Variants in HAPLN2 observed in about 807,000 individuals in gnomAD.
HAPLN2 encodes the protein hyaluronan and proteoglycan link protein 2.
In HAPLN2, 27 loss-of-function variants were observed where a neutral mutation model predicts 29.3. That is an observed-to-expected ratio of 0.92 (90% CI 0.68 to 1.27). The LOEUF (loss-of-function observed/expected upper bound fraction) is 1.27. Ranked by LOEUF, HAPLN2 falls within the 50% of genes most tolerant of loss-of-function variation. HAPLN2 has a pLI of 0.00. For synonymous variants in HAPLN2, 208 were observed against 211.7 expected, an observed-to-expected ratio of 0.98 and a Z score of 0.15; for missense variants, 454 against 484.3, an observed-to-expected ratio of 0.94 and a Z score of 0.59.
chr1:156,625,200 C>A lies in HAPLN2; in HGVS notation c.839C>A (p.Ala280Asp). ...AVVAKVGHLYAAWKFSGLDQC... is the reference protein window; with the variant it reads ...AVVAKVGHLYDAWKFSGLDQC... Reference sequence around the variant, plus strand: ...GTGGCCAAGGTTGGGCACCTCTACGCCGCCTGGAAGTTTTCGGGGCTAGAC... The same window carrying A: ...GTGGCCAAGGTTGGGCACCTCTACGACGCCTGGAAGTTTTCGGGGCTAGAC... Residue 280 changes from alanine (A) to aspartate (D), a missense_variant, in exon 7 of 7, where the codon GCC becomes GAC. By Grantham distance (126) the Ala-to-Asp change is moderately radical. Coordinates refer to ENST00000255039, the MANE Select transcript of HAPLN2 (RefSeq NM_021817.3). The surrounding 1 kb of genome is among the most constrained non-coding windows in gnomAD (Gnocchi z 5.7). 6.4e-7 allele frequency: 1 copy of A among 1,555,510 alleles called. No individual in the cohort carries two copies. Among genetic ancestry groups the A allele is most frequent in the South Asian group, 1.2e-5 (1 of 84,512 alleles).
chr1:156,606,349 G>A, the HAPLN2 span, among the ~76,000 whole-genome samples: 1 of 151,338 alleles, frequency 6.6e-6, no homozygotes, highest in African/African-American at 2.4e-5. Flanking sequence ...AGGCTGAGGT[G>A]GGAGAATTGC....
At chr1:156,603,722 G>A in the HAPLN2 span, among the ~76,000 whole-genome samples, 16 of 152,192 alleles carry the variant, frequency 1.1e-4, no homozygotes, top group South Asian at 3.1e-3. Context: ...TCACTGTTGT[G>A]CCTGATTCAC....
chr1:156,613,668 C>G, the HAPLN2 span, among the ~76,000 whole-genome samples: 1 of 151,968 alleles, frequency 6.6e-6, no homozygotes, highest in Non-Finnish European at 1.5e-5. Context: ...GTAATCCCAA[C>G]AATTTGGGAG....
chr1:156,603,414 A>G, the HAPLN2 span, among the ~76,000 whole-genome samples: 1 of 148,712 alleles, frequency 6.7e-6, no homozygotes, highest in Non-Finnish European at 1.5e-5. Flanking sequence ...TTCAATTTCC[A>G]CCCACCCCCA....
At chr1:156,621,529 G>A (rs114703290) in intron 2 of HAPLN2, among the ~76,000 whole-genome samples, 2,184 of 151,834 alleles carry the variant, frequency 0.014, 52 homozygotes, top group African/African-American at 0.051. Flanking sequence ...GAGGTCCGGA[G>A]TTCTCAAGAC....
rs1025795702 is a variant in HAPLN2 at position 156,623,432 on chromosome 1, A to C, written c.-24-35A>C. 7.0e-6 allele frequency: 11 copies of C among 1,576,024 alleles called. No homozygotes were observed. The African/African-American group carries it at 1.1e-4, about 15-fold the overall frequency. ...CTGCTCTTCCCCACCCTTTTGCCCCAGTCCTAAGAACTGCCCACTCTTTGT... is the reference window on the plus strand; with the variant it reads ...CTGCTCTTCCCCACCCTTTTGCCCCCGTCCTAAGAACTGCCCACTCTTTGT... On this transcript the variant is annotated intron_variant, in intron 2 of 6. Coordinates refer to ENST00000255039, the MANE Select transcript of HAPLN2 (RefSeq NM_021817.3).
chr1:156,621,476 T>C (rs1678221501), intron 2 of HAPLN2, among the ~76,000 whole-genome samples: 2 of 151,886 alleles, frequency 1.3e-5, no homozygotes, highest in Admixed American at 1.3e-4. Flanking sequence ...GGCTCACACC[T>C]GTAATCTCAG....
chr1:156,609,391 A>C, the HAPLN2 span, among the ~76,000 whole-genome samples: 1 of 152,214 alleles, frequency 6.6e-6, no homozygotes, highest in Non-Finnish European at 1.5e-5. Flanking sequence ...AAAAGATTAA[A>C]AGTCATTTTC....
chr1:156,615,511 A>G (rs1678034001), upstream of HAPLN2, among the ~76,000 whole-genome samples: 1 of 151,544 alleles, frequency 6.6e-6, no homozygotes, highest in Non-Finnish European at 1.5e-5. Context: ...AGCAATGATC[A>G]CACCACTGTA....
intron 3 of HAPLN2, 37 bp from the exon 4 acceptor site, chr1:156,623,770 A>T: frequency 6.8e-7 from 1 of 1,472,472 alleles, no homozygotes; most frequent in Non-Finnish European, 9.0e-7. Context: ...GGCAGTGAGG[A>T]TTGGGGGTTC....
chr1:156,618,305 C>CAAAA (rs57219264), upstream of HAPLN2, among the ~76,000 whole-genome samples: 7 of 103,212 alleles, frequency 6.8e-5, no homozygotes, highest in African/African-American at 2.9e-4. Flanking sequence ...GACTCTGTCT[C>CAAAA]AAAAAAAAAA....
At chr1:156,618,311 A>AC (rs1678111783), upstream of HAPLN2, among the ~76,000 whole-genome samples, 1 of 85,250 alleles carries the variant, frequency 1.2e-5, no homozygotes, top group South Asian at 8.2e-4. Flanking sequence ...GTCTCAAAAA[A>AC]AAAAAAAAAA....
Position 156,623,552 on chromosome 1 carries a change from T to C in HAPLN2, c.62T>C (p.Phe21Ser). The change falls in exon 3 of 7, where the codon TTC becomes TCC. Residue 21 changes from phenylalanine (F) to serine (S), a missense_variant. By Grantham distance (155) the Phe-to-Ser change is radical (BLOSUM62 -2). This residue lies in a region of HAPLN2 where 204 missense variants were observed against 209.2 expected (regional missense o/e 0.98). Coordinates refer to ENST00000255039, the MANE Select transcript of HAPLN2 (RefSeq NM_021817.3). The stretch of plus-strand genomic sequence containing the variant: ...TTCCTTCTTTGGGCCTTCACCATCT[T>C]CCACAAAGCCCAAGGAGACCCAGGT... Reference protein sequence around the residue: ...CRFLLWAFTIFHKAQGDPASH... With the variant: ...CRFLLWAFTISHKAQGDPASH... 2 of 1,614,064 alleles carry C rather than the reference T, an allele frequency of 1.2e-6. No individual in the cohort carries two copies. Among genetic ancestry groups the C allele is most frequent in the African/African-American group, 2.7e-5 (2 of 75,002 alleles).
At chr1:156,602,549 C>CAAAAAAAAAA in the HAPLN2 span, among the ~76,000 whole-genome samples, 2 of 43,752 alleles carry the variant, frequency 4.6e-5, no homozygotes, top group African/African-American at 7.2e-5. Flanking sequence ...CTAAAAATAC[C>CAAAAAAAAAA]AAAAAAAAAA....
the HAPLN2 span, chr1:156,601,637 C>CTGT: frequency 1.6e-6 from 1 of 623,430 alleles, no homozygotes; most frequent in Non-Finnish European, 2.8e-6. Flanking sequence ...GGTTCCGAGG[C>CTGT]TGTTCCACTT....
rs1678409573 is a variant in HAPLN2, at chr1:156,625,239, G to T, written c.878G>T (p.Gly293Val). ...KFSGLDQCDG[G>V]WLADGSVRFP... is the part of the protein sequence containing the mutation. ...TCGGGGCTAGACCAGTGCGACGGCG[G>T]CTGGCTGGCTGACGGCAGTGTGCGC... The change falls in exon 7 of 7, where the codon GGC becomes GTC. Residue 293 changes from glycine to valine, a missense_variant. By Grantham distance (109) the Gly-to-Val change is moderately radical (BLOSUM62 -3). Coordinates refer to ENST00000255039, the MANE Select transcript of HAPLN2 (RefSeq NM_021817.3). The surrounding 1 kb of genome is among the most constrained non-coding windows in gnomAD (Gnocchi z 5.7). 7.6e-6 allele frequency: 12 copies of T among 1,572,290 alleles called. No individual in the cohort carries two copies. Among genetic ancestry groups the T allele is most frequent in the Non-Finnish European group, 1.0e-5 (12 of 1,159,982 alleles).
chr1:156,624,264 C>T, intron 4 of HAPLN2, 87 bp from the exon 5 acceptor site: 1 of 1,504,788 alleles, frequency 6.6e-7, no homozygotes, highest in Non-Finnish European at 9.0e-7. Context: ...CCCTGGGGAC[C>T]CCAGCTCCCT....
chr1:156,621,639 G>A (rs749246666), intron 2 of HAPLN2, among the ~76,000 whole-genome samples: 2 of 151,142 alleles, frequency 1.3e-5, no homozygotes, highest in Non-Finnish European at 2.9e-5. Context: ...CAGGAGAATC[G>A]CTTGAACCCG....
the HAPLN2 span, among the ~76,000 whole-genome samples, chr1:156,608,972 C>T: frequency 1.3e-5 from 2 of 152,166 alleles, no homozygotes; most frequent in East Asian, 3.8e-4. Context: ...ACACCAACAC[C>T]AGTGGGAGTA....
Sources: allele counts gnomAD v4.1 joint callset (sites outside exome capture counted in the v4.1 genomes callset), GRCh38; gene constraint gnomAD v4.1.1; regional missense constraint gnomAD v4.1.1; non-coding constraint Gnocchi (gnomAD v3.1); transcripts MANE v1.5; gene names NCBI Gene and HGNC (gene_info 2026-07-23, HGNC 2026-07-21).